The following PUDP variants were observed in gnomAD, a reference collection of about 807,000 sequenced individuals.
The protein encoded by PUDP is pseudouridine-5'-phosphatase.
Under a neutral mutation model 9.4 loss-of-function variants are expected in PUDP, and 8 were observed. The ratio of observed to expected loss-of-function variants is 0.85; its 90% CI spans 0.50 to 1.53. The LOEUF (loss-of-function observed/expected upper bound fraction) is 1.53, where lower values mean the gene tolerates loss of function less well. Among genes scored for constraint, PUDP ranks in the 40% most tolerant of loss-of-function variants. The pLI is 0.00. For missense variants in PUDP, 188 were observed against 189.7 expected (o/e 0.99, Z 0.05); for synonymous variants, 99 against 80.7 (o/e 1.23, Z -1.22).
intron 3 of PUDP, among the ~76,000 whole-genome samples, chrX:6,769,639 TC>T (rs748131385): frequency 8.9e-6 from 1 of 112,233 alleles, no homozygotes; most frequent in Non-Finnish European, 1.9e-5. Context: ...TTCGAGTTCA[TC>T]TTTTTCGTGC....
chrX:6,988,637 G>C (rs1254425141), intron 1 of PUDP, among the ~76,000 whole-genome samples: 2 of 111,605 alleles, frequency 1.8e-5, no homozygotes, highest in African/African-American at 6.5e-5. Context: ...AGGTGCTGGG[G>C]TAATTACCCT....
intron 3 of PUDP, among the ~76,000 whole-genome samples, chrX:6,803,188 C>G (rs768285308): frequency 9.9e-4 from 110 of 110,836 alleles, no homozygotes; most frequent in Non-Finnish European, 1.8e-3. Flanking sequence ...TCAGAGGCCA[C>G]GACGAGACCC....
At position 6,720,258 on chromosome X, in the gene PUDP, GTATATATATATA is replaced by G. The variant is rs543397118; in HGVS notation, n.128+1147_128+1158del. Reference sequence around the variant, plus strand: ...TGTATATATGTATGTGTGTGTGTGTGTATATATATATATATATATATATATATATACACACAC... The same window carrying G: ...TGTATATATGTATGTGTGTGTGTGTGTATATATATATATATATACACACAC... On this transcript the variant is annotated intron_variant and non_coding_transcript_variant, in intron 1 of 2. Transcript: ENST00000438499. Among the ~76,000 whole-genome samples the G allele has an allele frequency of 1.7e-3, 82 of 48,800 alleles. No individual in the cohort carries two copies. In the East Asian group the frequency reaches 0.04, roughly 24 times the overall value. 42.4% of individuals were successfully genotyped at this position (48,800 alleles called of 115,157 possible). A position where few individuals can be genotyped will look rare whatever the true frequency, so the allele number is the denominator to read the frequency against.
At chrX:6,818,393 A>C (rs901749736) in intron 3 of PUDP, among the ~76,000 whole-genome samples, 4 of 112,504 alleles carry the variant, frequency 3.6e-5, no homozygotes, top group Non-Finnish European at 5.6e-5. Context: ...GATTTAATAC[A>C]TGGATACACC....
chrX:7,057,197 T>C (rs1930267847), intron 3 of PUDP, among the ~76,000 whole-genome samples: 1 of 112,465 alleles, frequency 8.9e-6, no homozygotes, highest in Admixed American at 9.3e-5. Context: ...AGTTCCATTT[T>C]ATAACTAGCA....
At position 7,081,585 on chromosome X, in the gene PUDP, G is replaced by C. The variant is rs747489768; in HGVS notation, c.281-4136C>G. 3.5e-5 allele frequency among the ~76,000 whole-genome samples: 4 copies of C among 112,836 alleles called. No homozygotes were observed. In the East Asian group the frequency reaches 1.1e-3, roughly 31 times the overall value. Reference sequence around the variant, plus strand: ...CTCAACATTCTTATTGATGGAGAATGAATCAAAAACGGTTTTGGACGACTG... The same window carrying C: ...CTCAACATTCTTATTGATGGAGAATCAATCAAAAACGGTTTTGGACGACTG... On this transcript the variant is annotated intron_variant, in intron 2 of 3. Coordinates refer to ENST00000381077, the MANE Select transcript of PUDP (RefSeq NM_012080.5).
At chrX:6,908,878 C>A (rs1927807312) in intron 3 of PUDP, among the ~76,000 whole-genome samples, 1 of 111,839 alleles carries the variant, frequency 8.9e-6, no homozygotes, top group East Asian at 2.8e-4. Context: ...CACTCATGAC[C>A]TACAAAATCA....
At chrX:6,816,518 ATAG>A (rs1248296750) in intron 3 of PUDP, among the ~76,000 whole-genome samples, 1 of 102,536 alleles carries the variant, frequency 9.8e-6, no homozygotes, top group East Asian at 3.1e-4. Flanking sequence ...ATACTATACT[ATAG>A]TATATACACA....
At chrX:6,733,932 C>T (rs577141169) in intron 3 of PUDP, among the ~76,000 whole-genome samples, 1 of 108,790 alleles carries the variant, frequency 9.2e-6, no homozygotes, top group Non-Finnish European at 1.9e-5. Context: ...TGCCTGCCAC[C>T]ATGCCCAGCT....
At chrX:6,981,570 C>A (rs1295946780) in intron 1 of PUDP, among the ~76,000 whole-genome samples, 1 of 111,448 alleles carries the variant, frequency 9.0e-6, no homozygotes, top group African/African-American at 3.3e-5. Flanking sequence ...GAAATAATTA[C>A]AAAGCCATTT....
chrX:6,785,080 A>T (rs1212790264), intron 3 of PUDP, among the ~76,000 whole-genome samples: 2 of 112,583 alleles, frequency 1.8e-5, no homozygotes, highest in African/African-American at 6.5e-5. Context: ...CATGATTTCC[A>T]TGAATAACTA....
chrX:7,136,878 T>C (rs1932753416), intron 1 of PUDP, among the ~76,000 whole-genome samples: 1 of 103,816 alleles, frequency 9.6e-6, no homozygotes, highest in African/African-American at 4.3e-5. Flanking sequence ...TGAGTATCAC[T>C]GTATCACTTT....
At chrX:7,087,804 C>T (rs745371876) in intron 2 of PUDP, among the ~76,000 whole-genome samples, 17 of 112,513 alleles carry the variant, frequency 1.5e-4, no homozygotes, top group Non-Finnish European at 2.8e-4. Flanking sequence ...CAGGGCAATA[C>T]AGGCGATGAG....
chrX:7,007,452 G>T (rs1022800543), intron 1 of PUDP, among the ~76,000 whole-genome samples: 6 of 112,549 alleles, frequency 5.3e-5, no homozygotes, highest in Non-Finnish European at 1.1e-4. Flanking sequence ...CACAGTTAGG[G>T]TTAAATGATG....
chrX:7,082,075 G>A (rs1931109763), intron 2 of PUDP, among the ~76,000 whole-genome samples: 1 of 112,318 alleles, frequency 8.9e-6, no homozygotes, highest in African/African-American at 3.2e-5. Flanking sequence ...GTGTATAAAT[G>A]AACTCCAGTT....
At position 6,712,389 on chromosome X, in the gene PUDP, A is replaced by C. The variant is rs191457616; in HGVS notation, n.129-5923T>G. The stretch of plus-strand genomic sequence containing the variant: ...TGTCTCCAACTCCGGACCTCAAGTG[A>C]TCTGCCCGCCTCAGTCTCCCAAAAT... On this transcript the variant is annotated intron_variant and non_coding_transcript_variant, in intron 1 of 2. Transcript: ENST00000438499. 9.1e-3 allele frequency among the ~76,000 whole-genome samples: 1,013 copies of C among 111,720 alleles called. 13 individuals are homozygous for C. Among genetic ancestry groups the C allele is most frequent in the African/African-American group, 0.032 (972 of 30,768 alleles).
chrX:7,132,303 C>T (rs1299055696), intron 1 of PUDP, among the ~76,000 whole-genome samples: 1 of 112,070 alleles, frequency 8.9e-6, no homozygotes, highest in African/African-American at 3.2e-5. Flanking sequence ...ACTTAAAGCT[C>T]TCTCCTCAAA....
intron 1 of PUDP, among the ~76,000 whole-genome samples, chrX:7,135,658 A>G (rs1932725151): frequency 8.9e-6 from 1 of 112,427 alleles, no homozygotes; most frequent in Non-Finnish European, 1.9e-5. Context: ...CTTGTCTCTT[A>G]AACAGAATTA....
chrX:7,055,453 G>A (rs1372350578), intron 3 of PUDP, among the ~76,000 whole-genome samples: 4 of 110,164 alleles, frequency 3.6e-5, no homozygotes, highest in Non-Finnish European at 5.7e-5. Context: ...ATGGGGTTTC[G>A]CCATGTTGGC....
Sources: allele counts gnomAD v4.1 joint callset (sites outside exome capture counted in the v4.1 genomes callset), GRCh38; gene constraint gnomAD v4.1.1; transcripts MANE v1.5; gene names NCBI Gene and HGNC (gene_info 2026-07-23, HGNC 2026-07-21).